Variants in RBM47 observed in about 807,000 individuals in gnomAD.
RBM47 encodes RNA-binding protein 47.
Under a neutral mutation model 47.1 loss-of-function variants are expected in RBM47, and 21 were observed. The observed-to-expected ratio is 0.45, with a 90% CI of 0.32 to 0.64. The LOEUF (loss-of-function observed/expected upper bound fraction) is 0.64. RBM47 is among the 30% of genes least tolerant of loss of function. RBM47 has a pLI of 0.05. For synonymous variants in RBM47, 375 were observed against 361.7 expected (o/e 1.04, Z -0.42); for missense variants, 708 against 870.9 (o/e 0.81, Z 2.35).
rs553097775 is a variant in RBM47 at position 40,534,657 on chromosome 4, G to A, written c.-155+9765C>T. 1.2e-3 allele frequency among the ~76,000 whole-genome samples: 186 copies of A among 152,086 alleles called. 1 individual carries two copies. The highest frequency in any genetic ancestry group is 4.2e-3 in the African/African-American group (174 of 41,516). On this transcript the variant is annotated intron_variant, in intron 2 of 6. Transcript: ENST00000295971. ...GTAGTTAAAAAATGCAAACTCGGCC[G>A]GGTGCGGTGGCTCACGCCTGTAATC...
chr4:40,505,920 AAC>A (rs1724045236), intron 2 of RBM47, among the ~76,000 whole-genome samples: 3 of 151,240 alleles, frequency 2.0e-5, no homozygotes, highest in African/African-American at 7.3e-5. Flanking sequence ...CAAAACAAAA[AAC>A]AAAAAAACTT....
chr4:40,534,454 A>G (rs1727719348), intron 2 of RBM47, among the ~76,000 whole-genome samples: 1 of 152,158 alleles, frequency 6.6e-6, no homozygotes, highest in Non-Finnish European at 1.5e-5. Flanking sequence ...CCACCAATAC[A>G]TTTTATAATT....
chr4:40,523,623 C>T lies in RBM47; in HGVS notation c.-155+20799G>A, dbSNP rs186695603. ...CTGAGATCACGCCATTGCACTCCAGCCTGGGCGCCAAGAGCAAAACTCCAT... is the reference window on the plus strand; with the variant it reads ...CTGAGATCACGCCATTGCACTCCAGTCTGGGCGCCAAGAGCAAAACTCCAT... On this transcript the variant is annotated intron_variant, in intron 2 of 6. Coordinates refer to ENST00000295971, the MANE Select transcript of RBM47 (RefSeq NM_001098634.2). 3.8e-3 allele frequency among the ~76,000 whole-genome samples: 584 copies of T among 151,996 alleles called. 4 individuals carry two copies. The highest frequency in any genetic ancestry group is 0.02 in the South Asian group (95 of 4,808).
intron 1 of RBM47, among the ~76,000 whole-genome samples, chr4:40,555,372 CT>C (rs111275558): frequency 9.8e-5 from 15 of 152,296 alleles, no homozygotes; most frequent in African/African-American, 3.6e-4. Context: ...CAGCCCCTGA[CT>C]TTCTAGTTTC....
chr4:40,437,090 A>AAAAAAAAAAAAAATATAT (rs1256296949), intron 4 of RBM47, among the ~76,000 whole-genome samples: 14 of 49,792 alleles, frequency 2.8e-4, no homozygotes, highest in African/African-American at 7.6e-4. Context: ...AAAAAAAAAA[A>AAAAAAAAAAAAAATATAT]ATATATATAT....
intron 1 of RBM47, among the ~76,000 whole-genome samples, chr4:40,593,673 G>A (rs1017192680): frequency 6.6e-6 from 1 of 152,044 alleles, no homozygotes; most frequent in African/African-American, 2.4e-5. Flanking sequence ...GAGGTCAGGA[G>A]ATCGAGACCA....
In RBM47 at chr4:40,510,794, G is replaced by A. The variant is rs60868707; in HGVS notation, c.-155+33628C>T. Among the ~76,000 whole-genome samples, 892 of 152,172 alleles carry A rather than the reference G, an allele frequency of 5.9e-3. 6 individuals carry two copies. The highest frequency in any genetic ancestry group is 0.021 in the African/African-American group (860 of 41,504). On this transcript the variant is annotated intron_variant, in intron 2 of 6. Transcript: ENST00000295971. ...CTAAACTAAGAGTCAATAGGGGGAC[G>A]GGCATGATGGCTCACACCTGTAATC...
At chr4:40,549,588 T>C (rs1458332188) in intron 1 of RBM47, among the ~76,000 whole-genome samples, 4 of 149,088 alleles carry the variant, frequency 2.7e-5, no homozygotes, top group Non-Finnish European at 5.9e-5. Context: ...AGTGGCATGA[T>C]CTCGGCTCAC....
At chr4:40,517,585 T>C (rs890485395) in intron 2 of RBM47, among the ~76,000 whole-genome samples, 3 of 152,198 alleles carry the variant, frequency 2.0e-5, no homozygotes, top group Non-Finnish European at 4.4e-5. Flanking sequence ...TTCAAAGGCA[T>C]ATATTCTACG....
intron 1 of RBM47, among the ~76,000 whole-genome samples, chr4:40,556,191 G>C (rs550171326): frequency 1.3e-5 from 2 of 151,528 alleles, no homozygotes; most frequent in Admixed American, 1.3e-4. Flanking sequence ...ATGCACCACC[G>C]CGTCTGGCTT....
chr4:40,577,574 T>C (rs1289139386), intron 1 of RBM47, among the ~76,000 whole-genome samples: 1 of 152,020 alleles, frequency 6.6e-6, no homozygotes. Context: ...CTCTGCTATT[T>C]ATTCCCTGTT....
chr4:40,591,275 G>T (rs1734112064), intron 1 of RBM47, among the ~76,000 whole-genome samples: 1 of 152,058 alleles, frequency 6.6e-6, no homozygotes, highest in Admixed American at 6.6e-5. Context: ...AGAGGTGATG[G>T]TTATACCATA....
Position 40,442,640 on chromosome 4 carries a change from C to T in RBM47, c.-31-3716G>A, listed in dbSNP as rs542830403. On this transcript the variant is annotated intron_variant, in intron 3 of 6. Transcript: ENST00000295971. Reference sequence around the variant, plus strand: ...GATCAATGGATTATGATAAACAGAACGTGGTATACATATACAATGCAGTAT... The same window carrying T: ...GATCAATGGATTATGATAAACAGAATGTGGTATACATATACAATGCAGTAT... Among the ~76,000 whole-genome samples, 16 of 152,216 alleles carry T rather than the reference C, an allele frequency of 1.1e-4. No homozygotes were observed. In the South Asian group the frequency reaches 2.7e-3, roughly 26 times the overall value.
At chr4:40,565,415 C>T (rs1731001292) in intron 1 of RBM47, among the ~76,000 whole-genome samples, 1 of 152,122 alleles carries the variant, frequency 6.6e-6, no homozygotes, top group African/African-American at 2.4e-5. Context: ...TGAGCAGGTC[C>T]TTGGGTTCCT....
At chr4:40,437,647 A>C (rs1712864159) in intron 4 of RBM47, 124 bp downstream of exon 4, 1 of 994,108 alleles carries the variant, frequency 1.0e-6, no homozygotes. Context: ...CAAACCCAAA[A>C]CGGGGGTGGG....
At chr4:40,604,530 G>A (rs538474423) in intron 1 of RBM47, among the ~76,000 whole-genome samples, 2 of 152,278 alleles carry the variant, frequency 1.3e-5, no homozygotes, top group Admixed American at 1.3e-4. Context: ...GGGAGGCTGA[G>A]GAGGGAGGAT....
intron 2 of RBM47, among the ~76,000 whole-genome samples, chr4:40,516,276 T>TG (rs1406609846): frequency 6.7e-6 from 1 of 150,234 alleles, no homozygotes; most frequent in African/African-American, 2.4e-5. Flanking sequence ...TTTTTTTTTT[T>TG]TTGAGACGGA....
At chr4:40,619,830 C>A (rs749256241) in intron 1 of RBM47, among the ~76,000 whole-genome samples, 3 of 152,182 alleles carry the variant, frequency 2.0e-5, no homozygotes, top group South Asian at 2.1e-4. Context: ...TCCCAGAGGG[C>A]GGAGAATCTT....
At chr4:40,474,929 C>T (rs988184017) in intron 2 of RBM47, among the ~76,000 whole-genome samples, 4 of 152,176 alleles carry the variant, frequency 2.6e-5, no homozygotes, top group Non-Finnish European at 5.9e-5. Context: ...AAAAGATTAG[C>T]TTCTACTTCA....
Sources: allele counts gnomAD v4.1 joint callset (sites outside exome capture counted in the v4.1 genomes callset), GRCh38; gene constraint gnomAD v4.1.1; transcripts MANE v1.5; gene names NCBI Gene and HGNC (gene_info 2026-07-23, HGNC 2026-07-21).